CFDP1: variants seen among roughly 807,000 people sequenced by gnomAD.
CFDP1 encodes heterochromatin-stabilizing protein CFDP1.
In CFDP1, 31 loss-of-function variants were observed where a neutral mutation model predicts 40.1. That is an observed-to-expected ratio of 0.77 (90% confidence interval 0.58 to 1.04). The LOEUF is 1.04. Ranked by LOEUF, CFDP1 falls within the 50% of genes least tolerant of loss-of-function variation. The pLI is 0.00. For synonymous variants in CFDP1, 167 were observed against 120.0 expected, an observed-to-expected ratio of 1.39 and a Z score of -2.56; for missense variants, 423 against 343.4, an observed-to-expected ratio of 1.23 and a Z score of -1.83.
In CFDP1 at chr16:75,412,773, AG is replaced by A. The variant is rs753696658; in HGVS notation, c.183-20del. On this transcript the variant is annotated intron_variant, in intron 2 of 6. Coordinates refer to ENST00000283882, the MANE Select transcript of CFDP1 (RefSeq NM_006324.3). ...TCTCTTCCTAATCACCAGCAGTCAC[AG>A]GAAAAAGGAAAGACAGCACAAAACG... is the stretch of plus-strand genomic sequence containing the variant. The A allele has an allele frequency of 6.3e-7, 1 of 1,593,916 alleles. No individual in the cohort carries two copies. Among genetic ancestry groups the A allele is most frequent in the South Asian group, 1.1e-5 (1 of 90,680 alleles).
intron 5 of CFDP1, among the ~76,000 whole-genome samples, chr16:75,342,667 T>C (rs1447585693): frequency 1.3e-5 from 2 of 152,114 alleles, no homozygotes; most frequent in Non-Finnish European, 2.9e-5. Flanking sequence ...AGGCTCTTAC[T>C]TGGGGGAAGA....
At chr16:75,399,135 A>G (rs1286102781) in intron 4 of CFDP1, among the ~76,000 whole-genome samples, 2 of 152,046 alleles carry the variant, frequency 1.3e-5, no homozygotes, top group Non-Finnish European at 1.5e-5. Flanking sequence ...ACTGTACAAG[A>G]GACCCTGAGT....
chr16:75,399,424 G>A lies in CFDP1; in HGVS notation c.531-4215C>T, dbSNP rs576100876. ...CTTACATATAGTAATCTGAACACATGCTTTATTCCAGTCCTGCCAAAACCC... is the reference window on the plus strand; with the variant it reads ...CTTACATATAGTAATCTGAACACATACTTTATTCCAGTCCTGCCAAAACCC... On this transcript the variant is annotated intron_variant, in intron 4 of 6. Coordinates refer to ENST00000283882, the MANE Select transcript of CFDP1 (RefSeq NM_006324.3). 1.1e-4 allele frequency among the ~76,000 whole-genome samples: 16 copies of A among 152,288 alleles called. 1 individual carries two copies. The highest frequency in any genetic ancestry group is 1.0e-3 in the Admixed American group (16 of 15,298).
intron 5 of CFDP1, among the ~76,000 whole-genome samples, chr16:75,382,178 G>C (rs1000285611): frequency 4.0e-5 from 6 of 151,630 alleles, no homozygotes; most frequent in Non-Finnish European, 8.8e-5. Flanking sequence ...GGGGTATTCT[G>C]AGATAGAGTA....
chr16:75,346,153 T>G (rs1465272645), intron 5 of CFDP1, among the ~76,000 whole-genome samples: 1 of 152,122 alleles, frequency 6.6e-6, no homozygotes, highest in Non-Finnish European at 1.5e-5. Flanking sequence ...ACATGTGAAG[T>G]GAAAGTAACA....
intron 4 of CFDP1, among the ~76,000 whole-genome samples, chr16:75,395,680 A>C (rs2078990720): frequency 6.6e-6 from 1 of 152,256 alleles, no homozygotes; most frequent in Non-Finnish European, 1.5e-5. Flanking sequence ...AAAAATAAAA[A>C]AACATTTTCC....
chr16:75,411,409 T>A (rs764087089), intron 4 of CFDP1, among the ~76,000 whole-genome samples: 19 of 152,138 alleles, frequency 1.2e-4, no homozygotes, highest in Non-Finnish European at 2.2e-4. Context: ...AGACTCCGTC[T>A]CAGAAAAAGA....
intron 6 of CFDP1, among the ~76,000 whole-genome samples, chr16:75,296,604 C>A (rs879910321): frequency 1.1e-4 from 17 of 152,212 alleles, no homozygotes; most frequent in Non-Finnish European, 1.5e-4. Context: ...AGGTCCTGCA[C>A]GTTCCCAGAA....
intron 5 of CFDP1, among the ~76,000 whole-genome samples, chr16:75,360,260 T>C (rs990465122): frequency 8.5e-6 from 1 of 118,318 alleles, no homozygotes; most frequent in Admixed American, 1.0e-4. Context: ...GATGACTCCA[T>C]GTCTTGGGGC....
intron 5 of CFDP1, among the ~76,000 whole-genome samples, chr16:75,358,801 C>T (rs2078662983): frequency 6.6e-6 from 1 of 152,006 alleles, no homozygotes. Flanking sequence ...TTTTGGAAAA[C>T]TTGTTGCCTA....
chr16:75,424,750 C>T (rs867515363), intron 1 of CFDP1, among the ~76,000 whole-genome samples: 66 of 87,304 alleles, frequency 7.6e-4, no homozygotes, highest in African/African-American at 2.3e-3. Context: ...AGGGAGACTC[C>T]GTCTCAAAAA....
At chr16:75,294,842 T>C (rs1367861904) in intron 6 of CFDP1, among the ~76,000 whole-genome samples, 1 of 152,130 alleles carries the variant, frequency 6.6e-6, no homozygotes, top group Non-Finnish European at 1.5e-5. Context: ...CAGCAAACTT[T>C]CCCTCTGTCC....
intron 5 of CFDP1, among the ~76,000 whole-genome samples, chr16:75,367,345 G>A (rs569726117): frequency 6.6e-6 from 1 of 151,140 alleles, no homozygotes; most frequent in Non-Finnish European, 1.5e-5. Flanking sequence ...CTAGGTGGTG[G>A]ATGGGTTGAC....
At chr16:75,370,827 A>G (rs2151539629) in intron 5 of CFDP1, among the ~76,000 whole-genome samples, 1 of 152,282 alleles carries the variant, frequency 6.6e-6, no homozygotes, top group South Asian at 2.1e-4. Flanking sequence ...ATACCACTGC[A>G]CTCCAGCCTG....
chr16:75,367,996 T>C (rs2151536947), intron 5 of CFDP1, among the ~76,000 whole-genome samples: 1 of 151,906 alleles, frequency 6.6e-6, no homozygotes, highest in East Asian at 1.9e-4. Flanking sequence ...TCCCAGCTAC[T>C]CAAGGGCTGA....
At chr16:75,416,540 C>T (rs1003489548) in intron 1 of CFDP1, among the ~76,000 whole-genome samples, 36 of 150,814 alleles carry the variant, frequency 2.4e-4, no homozygotes, top group Non-Finnish European at 1.0e-4. Context: ...GCAGGTGGTT[C>T]GCCTGAGCCC....
At chr16:75,424,554 G>A (rs1017873460) in intron 1 of CFDP1, among the ~76,000 whole-genome samples, 2 of 152,104 alleles carry the variant, frequency 1.3e-5, no homozygotes, top group Non-Finnish European at 2.9e-5. Flanking sequence ...AGGAGATCAA[G>A]ACCATTCTGG....
chr16:75,423,558 A>G (rs1180788681), intron 1 of CFDP1, among the ~76,000 whole-genome samples: 1 of 151,736 alleles, frequency 6.6e-6, no homozygotes, highest in Non-Finnish European at 1.5e-5. Flanking sequence ...TCTGTCGCCC[A>G]GGCTGGAGAG....
chr16:75,313,502 T>C (rs2078307479), intron 5 of CFDP1, among the ~76,000 whole-genome samples: 1 of 152,174 alleles, frequency 6.6e-6, no homozygotes, highest in African/African-American at 2.4e-5. Context: ...CTAATTTATG[T>C]ATTTTTAGTA....
Sources: gnomAD v4.1 joint callset for allele counts (sites outside exome capture counted in the v4.1 genomes callset) on GRCh38, gnomAD v4.1.1 for gene constraint, MANE v1.5 for transcripts, NCBI Gene and HGNC (gene_info 2026-07-23, HGNC 2026-07-21) for gene names.